Variants in KANSL1L observed in about 807,000 individuals in gnomAD.
KANSL1L encodes KAT8 regulatory NSL complex subunit 1 like.
In KANSL1L, 25 loss-of-function variants were observed where a neutral mutation model predicts 108.6. The ratio of observed to expected loss-of-function variants is 0.23; its 90% CI spans 0.17 to 0.32. The LOEUF (loss-of-function observed/expected upper bound fraction) is 0.32, where lower values mean the gene tolerates loss of function less well. KANSL1L is among the 10% of genes least tolerant of loss of function. The pLI is 1.00. For missense variants in KANSL1L, 1,137 were observed against 1,125.7 expected (o/e 1.01, Z -0.14); for synonymous variants, 405 against 395.1 (o/e 1.03, Z -0.30).
chr2:210,150,218 CA>C (rs1214355813), intron 2 of KANSL1L, among the ~76,000 whole-genome samples: 1 of 152,122 alleles, frequency 6.6e-6, no homozygotes, highest in African/African-American at 2.4e-5. Flanking sequence ...AAAAGAAAGA[CA>C]GCAGGAGAAA....
chr2:210,024,492 C>T (rs1183146106), intron 13 of KANSL1L, among the ~76,000 whole-genome samples: 4 of 151,976 alleles, frequency 2.6e-5, no homozygotes, highest in Non-Finnish European at 4.4e-5. Context: ...GAAAGATGCT[C>T]CTTAACTAAA....
intron 2 of KANSL1L, among the ~76,000 whole-genome samples, chr2:210,133,506 A>G (rs577787486): frequency 3.6e-4 from 54 of 152,026 alleles, no homozygotes; most frequent in Non-Finnish European, 6.0e-4. Flanking sequence ...TAATCTTGCT[A>G]GAAGTTTATA....
rs1200892091 is a variant in KANSL1L at position 210,153,570 on chromosome 2, C to A, written c.1013G>T (p.Gly338Val). The A allele has an allele frequency of 2.5e-6, 4 of 1,614,050 alleles. No individual in the cohort carries two copies. The highest frequency in any genetic ancestry group is 1.1e-5 in the South Asian group (1 of 91,074). Residue 338 changes from glycine to valine, a missense_variant, in exon 2 of 15, where the codon GGT becomes GTT. Around this residue, in one of 3 missense-constraint regions of KANSL1L, gnomAD observed 556 missense variants for 537.7 expected, o/e 1.03. Transcript: ENST00000281772. ...GCTATCAGTTGCATCGGAATCCAAA[C>A]CCTCTTCAACATGAGACAACAGCCC... Reference protein sequence around the residue: ...ATGLLSHVEEGLDSDATDSSS... With the variant: ...ATGLLSHVEEVLDSDATDSSS...
intron 5 of KANSL1L, among the ~76,000 whole-genome samples, chr2:210,097,611 T>C (rs1434211301): frequency 1.3e-5 from 2 of 152,162 alleles, no homozygotes; most frequent in African/African-American, 4.8e-5. Flanking sequence ...AGTTATTAAT[T>C]ATAGTAAAAA....
At chr2:210,059,762 T>C (rs1002435911) in intron 6 of KANSL1L, among the ~76,000 whole-genome samples, 1 of 152,180 alleles carries the variant, frequency 6.6e-6, no homozygotes, top group African/African-American at 2.4e-5. Context: ...ATAAAAATAC[T>C]ACTTAAGTAA....
Position 210,028,885 on chromosome 2 carries a change from T to G in KANSL1L, c.2356A>C (p.Lys786Gln), listed in dbSNP as rs1243570331. The G allele has an allele frequency of 6.3e-7, 1 of 1,599,970 alleles. No homozygotes were observed. Among genetic ancestry groups the G allele is most frequent in the Admixed American group, 1.7e-5 (1 of 59,598 alleles). Residue 786 changes from lysine to glutamine, a missense_variant, in exon 11 of 15, where the codon AAA becomes CAA. Transcript: ENST00000281772. ...TCCTTATATTGGAGTTTCTCTAATT[T>G]AGCTGGGGCTACTAATGACATGGGA... Reference protein sequence around the residue: ...VIPMSLVAPAKLEKLQYKEIL... With the variant: ...VIPMSLVAPAQLEKLQYKEIL...
intron 3 of KANSL1L, among the ~76,000 whole-genome samples, chr2:210,120,092 T>C (rs1040282871): frequency 6.6e-6 from 1 of 152,086 alleles, no homozygotes; most frequent in Non-Finnish European, 1.5e-5. Flanking sequence ...GAATTCCCTA[T>C]TCAGTAAGTG....
intron 4 of KANSL1L, 66 bp from the exon 5 acceptor site, chr2:210,098,273 T>G (rs2094758391): frequency 6.9e-7 from 1 of 1,457,868 alleles, no homozygotes; most frequent in Non-Finnish European, 9.4e-7. Flanking sequence ...CTCAGATGCA[T>G]AGTGCCAATT....
At chr2:210,054,300 C>T (rs956066699) in intron 6 of KANSL1L, among the ~76,000 whole-genome samples, 5 of 131,120 alleles carry the variant, frequency 3.8e-5, no homozygotes, top group Non-Finnish European at 6.2e-5. Flanking sequence ...CCAGCCTGGG[C>T]AACAGAGCGA....
intron 10 of KANSL1L, 31 bp from the exon 11 acceptor site, chr2:210,029,000 T>G (rs758556646): frequency 6.3e-7 from 1 of 1,579,674 alleles, no homozygotes. Flanking sequence ...AGATTTACAG[T>G]ACTGTCTAGT....
rs533443000 is a variant in KANSL1L at position 210,102,837 on chromosome 2, G to A, written c.1428+1267C>T. ...AAACAACAGGTGCTAGAGAGGATGT[G>A]GAGAAATAGGAACACTTTTACACTG... On this transcript the variant is annotated intron_variant, in intron 4 of 14. Coordinates refer to ENST00000281772, the MANE Select transcript of KANSL1L (RefSeq NM_152519.4). Among the ~76,000 whole-genome samples the A allele has an allele frequency of 1.3e-3, 195 of 152,292 alleles. 2 individuals carry two copies. Among genetic ancestry groups the A allele is most frequent in the African/African-American group, 4.6e-3 (191 of 41,560 alleles).
At chr2:210,080,159 A>G (rs986233732) in intron 5 of KANSL1L, 2 of 151,768 alleles carry the variant, frequency 1.3e-5, no homozygotes, top group Non-Finnish European at 2.9e-5. Context: ...ACACACACAC[A>G]CACACACACA....
chr2:210,162,196 T>C (rs1352103554), intron 1 of KANSL1L, among the ~76,000 whole-genome samples: 2 of 134,552 alleles, frequency 1.5e-5, no homozygotes, highest in East Asian at 2.1e-4. Flanking sequence ...CTGTCTAATA[T>C]ATTACCCCCA....
intron 3 of KANSL1L, among the ~76,000 whole-genome samples, chr2:210,109,145 T>G (rs1022705734): frequency 6.6e-6 from 1 of 152,150 alleles, no homozygotes; most frequent in Admixed American, 6.5e-5. Context: ...ATTCTCTCTA[T>G]GGCCCTTCAA....
intron 5 of KANSL1L, among the ~76,000 whole-genome samples, chr2:210,082,907 C>G (rs1174710097): frequency 6.6e-6 from 1 of 152,194 alleles, no homozygotes; most frequent in Non-Finnish European, 1.5e-5. Flanking sequence ...CCCACACCCA[C>G]TAAACTGGGT....
intron 5 of KANSL1L, among the ~76,000 whole-genome samples, chr2:210,087,172 G>A (rs78663301): frequency 0.012 from 1,894 of 151,940 alleles, 42 homozygotes; most frequent in African/African-American, 0.043. Flanking sequence ...GAGACCACAT[G>A]CATCAACACA....
rs1324722467 is a variant in KANSL1L at position 210,022,703 on chromosome 2, T to G, written c.*246A>C. 2 of 456,538 alleles carry G rather than the reference T, an allele frequency of 4.4e-6. No individual in the cohort carries two copies. The highest frequency in any genetic ancestry group is 2.5e-5 in the South Asian group (1 of 39,724). The allele number at this position is 456,538 out of a possible 1,614,324, so 28.3% of individuals were successfully genotyped here. On this transcript the variant is annotated 3_prime_UTR_variant, in exon 15 of 15. Coordinates refer to ENST00000281772, the MANE Select transcript of KANSL1L (RefSeq NM_152519.4). ...TGACATCAAGTTGCAGCAATTAATA[T>G]CTTGGTGTTTGTAAGTAAGTTGCAT...
chr2:210,106,493 G>T (rs1309850867), intron 3 of KANSL1L, among the ~76,000 whole-genome samples: 1 of 151,728 alleles, frequency 6.6e-6, no homozygotes, highest in Non-Finnish European at 1.5e-5. Context: ...GGGAGGCAGG[G>T]CATGGTGGTT....
Position 210,029,788 on chromosome 2 carries a change from T to G in KANSL1L, c.2271+15A>C, listed in dbSNP as rs2093989850. The stretch of plus-strand genomic sequence containing the variant: ...TTTAAAGCTATTTTAGAGTTCAACA[T>G]ATGGAAAAACCTACTCGTGATGAAT... On this transcript the variant is annotated intron_variant, in intron 10 of 14. Coordinates refer to ENST00000281772, the MANE Select transcript of KANSL1L (RefSeq NM_152519.4). The G allele has an allele frequency of 1.5e-6, 2 of 1,326,116 alleles. No homozygotes were observed. The highest frequency in any genetic ancestry group is 2.1e-6 in the Non-Finnish European group (2 of 934,460). 82.1% of individuals were successfully genotyped at this position (1,326,116 alleles called of 1,614,324 possible). A position where few individuals can be genotyped will look rare whatever the true frequency, so the allele number is the denominator to read the frequency against.
Sources: gnomAD v4.1 joint callset for allele counts (sites outside exome capture counted in the v4.1 genomes callset) on GRCh38, gnomAD v4.1.1 for gene constraint, gnomAD v4.1.1 regional missense constraint, MANE v1.5 for transcripts, NCBI Gene and HGNC (gene_info 2026-07-23, HGNC 2026-07-21) for gene names.